RASAL2: variants seen among roughly 807,000 people sequenced by gnomAD.
RASAL2 encodes the protein ras GTPase-activating protein nGAP.
A neutral mutation model predicts 128.9 loss-of-function variants in RASAL2; 58 were observed. That is an observed-to-expected ratio of 0.45 (90% CI 0.36 to 0.56). RASAL2 has a LOEUF of 0.56. Ranked by LOEUF, RASAL2 falls within the 20% of genes least tolerant of loss-of-function variation. The pLI, the probability that RASAL2 is intolerant of heterozygous loss-of-function variation, is 0.00. For missense variants in RASAL2, 1,360 were observed against 1,601.6 expected, an observed-to-expected ratio of 0.85 and a Z score of 2.57; for synonymous variants, 561 against 580.8, an observed-to-expected ratio of 0.97 and a Z score of 0.49.
At chr1:178,212,769 G>C (rs1392588591) in intron 1 of RASAL2, among the ~76,000 whole-genome samples, 1 of 152,164 alleles carries the variant, frequency 6.6e-6, no homozygotes, top group East Asian at 1.9e-4. Flanking sequence ...GGGATTACAG[G>C]CATGAGCCAT....
chr1:178,165,619 G>A (rs1473308906), intron 1 of RASAL2, among the ~76,000 whole-genome samples: 1 of 152,122 alleles, frequency 6.6e-6, no homozygotes, highest in African/African-American at 2.4e-5. Flanking sequence ...TGCAAACACA[G>A]TATGTTTTAT....
chr1:178,375,111 A>C (rs1456107395), intron 3 of RASAL2, among the ~76,000 whole-genome samples: 1 of 152,180 alleles, frequency 6.6e-6, no homozygotes, highest in Non-Finnish European at 1.5e-5. Flanking sequence ...GAGACATTTA[A>C]AAACATTGAA....
intron 1 of RASAL2, among the ~76,000 whole-genome samples, chr1:178,136,928 G>GAACTAAT (rs1349245967): frequency 6.6e-6 from 1 of 152,050 alleles, no homozygotes. Context: ...ACAATTTTGA[G>GAACTAAT]AACTAATTGA....
intron 1 of RASAL2, among the ~76,000 whole-genome samples, chr1:178,264,870 C>T (rs541027083): frequency 2.0e-5 from 3 of 152,270 alleles, no homozygotes; most frequent in East Asian, 3.9e-4. Context: ...TCTGAAAGTT[C>T]CAACCCTCTA....
intron 1 of RASAL2, among the ~76,000 whole-genome samples, chr1:178,252,466 G>C (rs1665098306): frequency 1.3e-5 from 2 of 152,058 alleles, no homozygotes; most frequent in African/African-American, 2.4e-5. Context: ...ATGGAGATTA[G>C]AAAATAAAAA....
At chr1:178,106,202 C>A (rs748155894) in intron 1 of RASAL2, among the ~76,000 whole-genome samples, 5 of 151,964 alleles carry the variant, frequency 3.3e-5, no homozygotes, top group Admixed American at 2.0e-4. Flanking sequence ...TAATAATTTT[C>A]CAAAAAGGAT....
intron 9 of RASAL2, among the ~76,000 whole-genome samples, chr1:178,450,893 T>C (rs892195520): frequency 6.6e-6 from 1 of 152,166 alleles, no homozygotes; most frequent in Non-Finnish European, 1.5e-5. Flanking sequence ...GTCGAAGATA[T>C]ACAAGGTATG....
At chr1:178,427,358 GA>G (rs985993239) in intron 5 of RASAL2, among the ~76,000 whole-genome samples, 15 of 152,102 alleles carry the variant, frequency 9.9e-5, no homozygotes, top group African/African-American at 3.6e-4. Context: ...TAAAGGTAAA[GA>G]TGAGCATATG....
intron 1 of RASAL2, among the ~76,000 whole-genome samples, chr1:178,218,785 T>C (rs1227205890): frequency 4.6e-5 from 7 of 152,244 alleles, no homozygotes; most frequent in Non-Finnish European, 8.8e-5. Context: ...TTTAGCATAA[T>C]TCATACGGGC....
intron 3 of RASAL2, among the ~76,000 whole-genome samples, chr1:178,365,618 C>T (rs532485502): frequency 2.8e-4 from 43 of 152,140 alleles, no homozygotes; most frequent in Non-Finnish European, 4.0e-4. Context: ...ATTACAGGCA[C>T]GCACCACTAT....
chr1:178,393,271 T>C (rs961430111), intron 4 of RASAL2, among the ~76,000 whole-genome samples: 1 of 152,168 alleles, frequency 6.6e-6, no homozygotes, highest in Admixed American at 6.5e-5. Context: ...AATGAAATAA[T>C]TATGCAACTC....
At chr1:178,180,614 C>T (rs1662068089) in intron 1 of RASAL2, among the ~76,000 whole-genome samples, 1 of 149,110 alleles carries the variant, frequency 6.7e-6, no homozygotes, top group Admixed American at 6.7e-5. Flanking sequence ...TTTCAGTGAG[C>T]TGCGATCACA....
chr1:178,313,489 AT>A lies in RASAL2; in HGVS notation c.457+13383del, dbSNP rs567555813. Among the ~76,000 whole-genome samples, 320 of 144,782 alleles carry A rather than the reference AT, an allele frequency of 2.2e-3. 1 individual carries two copies. Among genetic ancestry groups the A allele is most frequent in the Admixed American group, 3.3e-3 (48 of 14,474 alleles). 95.0% of individuals were successfully genotyped at this position (144,782 alleles called of 152,430 possible). A position where few individuals can be genotyped will look rare whatever the true frequency, so the allele number is the denominator to read the frequency against. ...CCAGTTGACTCTAAACTGTGTGCAC[AT>A]TTTTTTTTTTTCTGTTTTGAGACAG... is the stretch of plus-strand genomic sequence containing the variant. On this transcript the variant is annotated intron_variant, in intron 3 of 17. Coordinates refer to ENST00000367649, the MANE Select transcript of RASAL2 (RefSeq NM_170692.4).
Position 178,469,158 on chromosome 1 carries a change from A to G in RASAL2, c.3678+1737A>G, listed in dbSNP as rs117334842. ...CAAAAAATGCAAAAATTAGTCAGACATGGTGGCTCATGCCTGTAGTCCCAG... is the reference window on the plus strand; with the variant it reads ...CAAAAAATGCAAAAATTAGTCAGACGTGGTGGCTCATGCCTGTAGTCCCAG... On this transcript the variant is annotated intron_variant, in intron 17 of 17. Transcript: ENST00000367649. 1.1e-4 allele frequency among the ~76,000 whole-genome samples: 16 copies of G among 152,182 alleles called. No individual in the cohort carries two copies. In the East Asian group the frequency reaches 2.9e-3, roughly 28 times the overall value.
At chr1:178,313,208 A>AT (rs1325765385) in intron 3 of RASAL2, among the ~76,000 whole-genome samples, 2 of 152,236 alleles carry the variant, frequency 1.3e-5, no homozygotes, top group East Asian at 3.8e-4. Context: ...AGGTGAGAGA[A>AT]TAGGAGTATG....
At chr1:178,131,566 C>G (rs538228515) in intron 1 of RASAL2, among the ~76,000 whole-genome samples, 4 of 151,892 alleles carry the variant, frequency 2.6e-5, no homozygotes, top group Non-Finnish European at 4.4e-5. Flanking sequence ...AAGTATACAC[C>G]AGACCTAATT....
At chr1:178,382,082 A>G (rs1672315798) in intron 3 of RASAL2, among the ~76,000 whole-genome samples, 1 of 152,166 alleles carries the variant, frequency 6.6e-6, no homozygotes, top group Non-Finnish European at 1.5e-5. Context: ...ATCTCTGTTC[A>G]TCTCATACAA....
At chr1:178,114,850 C>T (rs1659469840) in intron 1 of RASAL2, among the ~76,000 whole-genome samples, 1 of 152,192 alleles carries the variant, frequency 6.6e-6, no homozygotes, top group African/African-American at 2.4e-5. Flanking sequence ...AATTTACAAT[C>T]CTGGCATAAA....
intron 5 of RASAL2, among the ~76,000 whole-genome samples, chr1:178,425,360 T>G (rs1422865398): frequency 6.6e-6 from 1 of 152,174 alleles, no homozygotes; most frequent in Non-Finnish European, 1.5e-5. Flanking sequence ...TGCTTTTTTT[T>G]GTCTTAAAAA....
Sources: gnomAD v4.1 joint callset for allele counts (sites outside exome capture counted in the v4.1 genomes callset) on GRCh38, gnomAD v4.1.1 for gene constraint, MANE v1.5 for transcripts, NCBI Gene and HGNC (gene_info 2026-07-23, HGNC 2026-07-21) for gene names.